TENM2: variants seen among roughly 807,000 people sequenced by gnomAD.
The protein encoded by TENM2 is teneurin-2.
Under a neutral mutation model 245.2 loss-of-function variants are expected in TENM2, and 52 were observed. That is an observed-to-expected ratio of 0.21 (90% CI 0.17 to 0.27). The LOEUF is 0.27. TENM2 is among the 10% of genes least tolerant of loss of function. The pLI is 1.00. For synonymous variants in TENM2, 1,363 were observed against 1,438.9 expected (o/e 0.95, Z 1.19); for missense variants, 3,046 against 3,666.8 (o/e 0.83, Z 4.37).
chr5:168,072,529 G>A (rs1015939438), intron 7 of TENM2, among the ~76,000 whole-genome samples: 1 of 152,188 alleles, frequency 6.6e-6, no homozygotes, highest in African/African-American at 2.4e-5. Context: ...CTGCCTTTAA[G>A]GAGATGGAGA....
At chr5:168,062,122 A>G (rs983680609) in exon 7 of TENM2, 1 of 1,613,566 alleles carries the variant, frequency 6.2e-7, no homozygotes, top group Middle Eastern at 1.7e-4. Context: ...TCGGCGGGTA[A>G]CACAAGAAGT....
At chr5:167,084,355 A>ATATATATATATATG in the TENM2 span, among the ~76,000 whole-genome samples, 1,540 of 109,328 alleles carry the variant, frequency 0.014, 114 homozygotes, top group African/African-American at 0.049. Flanking sequence ...ATATATATAT[A>ATATATATATATATG]TATATATATA....
chr5:167,297,056 C>T (rs1754985397), intron 1 of TENM2, among the ~76,000 whole-genome samples: 1 of 152,070 alleles, frequency 6.6e-6, no homozygotes, highest in Non-Finnish European at 1.5e-5. Flanking sequence ...TTTTTAAAAC[C>T]AAATCTTTAT....
chr5:167,673,742 C>A (rs1027107869), intron 2 of TENM2, among the ~76,000 whole-genome samples: 1 of 151,426 alleles, frequency 6.6e-6, no homozygotes, highest in Non-Finnish European at 1.5e-5. Context: ...CTAGGGACAC[C>A]TTTTCTCCAA....
At chr5:167,991,726 A>G (rs147118525) in intron 4 of TENM2, among the ~76,000 whole-genome samples, 3 of 152,326 alleles carry the variant, frequency 2.0e-5, no homozygotes, top group East Asian at 1.9e-4. Context: ...TTCCAAAGAA[A>G]TAATCATGAT....
At chr5:166,991,758 G>A in the TENM2 span, among the ~76,000 whole-genome samples, 27 of 152,254 alleles carry the variant, frequency 1.8e-4, 1 homozygote, top group African/African-American at 6.3e-4. Flanking sequence ...CAAAGCAAAC[G>A]CTTTGTCCAA....
chr5:167,578,775 G>A (rs1335050394), intron 2 of TENM2, among the ~76,000 whole-genome samples: 1 of 152,122 alleles, frequency 6.6e-6, no homozygotes, highest in African/African-American at 2.4e-5. Context: ...AACTTACCTT[G>A]AACTCTTTGA....
At chr5:166,993,552 T>C in the TENM2 span, among the ~76,000 whole-genome samples, 1 of 152,110 alleles carries the variant, frequency 6.6e-6, no homozygotes, top group East Asian at 1.9e-4. Flanking sequence ...CTCAGTTAGA[T>C]ATTTTGTTCT....
chr5:168,225,764 A>G (rs74815093), intron 23 of TENM2, among the ~76,000 whole-genome samples: 1 of 149,252 alleles, frequency 6.7e-6, no homozygotes, highest in Non-Finnish European at 1.5e-5. Context: ...ATCATCTCAA[A>G]AAAAAAAAAA....
At chr5:167,103,140 C>G in the TENM2 span, among the ~76,000 whole-genome samples, 1 of 152,198 alleles carries the variant, frequency 6.6e-6, no homozygotes, top group East Asian at 1.9e-4. Flanking sequence ...AGACCTTGTT[C>G]AAGTTCCCAT....
chr5:167,351,726 T>C (rs2127845794), intron 1 of TENM2, among the ~76,000 whole-genome samples: 1 of 152,258 alleles, frequency 6.6e-6, no homozygotes, highest in African/African-American at 2.4e-5. Flanking sequence ...GAAGGGATGG[T>C]CCTAATTAGC....
intron 1 of TENM2, among the ~76,000 whole-genome samples, chr5:167,322,810 T>C (rs1358980605): frequency 6.6e-6 from 1 of 152,234 alleles, no homozygotes; most frequent in Non-Finnish European, 1.5e-5. Context: ...ACTTCAAAAC[T>C]ATAGTCTTTA....
intron 2 of TENM2, among the ~76,000 whole-genome samples, chr5:167,684,557 C>T (rs761586971): frequency 1.3e-5 from 2 of 152,146 alleles, no homozygotes; most frequent in Non-Finnish European, 2.9e-5. Flanking sequence ...GTCTAAATCC[C>T]TTGTCTGTTT....
intron 2 of TENM2, among the ~76,000 whole-genome samples, chr5:167,485,575 G>A (rs1768009031): frequency 6.6e-6 from 1 of 152,118 alleles, no homozygotes; most frequent in Non-Finnish European, 1.5e-5. Context: ...ATTTGGGGCA[G>A]GAGGGGGGCA....
At chr5:167,890,918 C>T (rs1429607034) in intron 3 of TENM2, among the ~76,000 whole-genome samples, 1 of 152,124 alleles carries the variant, frequency 6.6e-6, no homozygotes, top group Non-Finnish European at 1.5e-5. Context: ...CCCACTACAA[C>T]CATCTGGTGA....
At chr5:168,074,744 G>A (rs776186207) in intron 7 of TENM2, among the ~76,000 whole-genome samples, 2 of 152,084 alleles carry the variant, frequency 1.3e-5, no homozygotes, top group Non-Finnish European at 2.9e-5. Context: ...ATTTTGCACC[G>A]GATGTCTTCT....
chr5:167,595,288 G>A (rs1161743479), intron 2 of TENM2, among the ~76,000 whole-genome samples: 1 of 152,116 alleles, frequency 6.6e-6, no homozygotes, highest in Non-Finnish European at 1.5e-5. Flanking sequence ...ACCTTTGTTA[G>A]TCATTTAGAA....
chr5:168,036,759 GTA>G (rs575870901), intron 5 of TENM2, among the ~76,000 whole-genome samples: 9 of 146,816 alleles, frequency 6.1e-5, no homozygotes, highest in Non-Finnish European at 1.2e-4. Flanking sequence ...ATATGTATGT[GTA>G]TATATATACG....
the TENM2 span, among the ~76,000 whole-genome samples, chr5:167,167,909 T>G: frequency 6.6e-6 from 1 of 152,048 alleles, no homozygotes; most frequent in East Asian, 1.9e-4. Context: ...GTGCCTACAC[T>G]GAAAAGTTAA....
Sources: gnomAD v4.1 joint callset for allele counts (sites outside exome capture counted in the v4.1 genomes callset) on GRCh38, gnomAD v4.1.1 for gene constraint, MANE v1.5 for transcripts, NCBI Gene and HGNC (gene_info 2026-07-23, HGNC 2026-07-21) for gene names.